Variants in HAUS7 observed in about 807,000 individuals in gnomAD.
HAUS7 encodes HAUS augmin-like complex subunit 7.
In HAUS7, 3 loss-of-function variants were observed where a neutral mutation model predicts 28.4. The ratio of observed to expected loss-of-function variants is 0.11; its 90% CI spans 0.05 to 0.27. The LOEUF (loss-of-function observed/expected upper bound fraction) is 0.27. Ranked by LOEUF, HAUS7 falls within the 10% of genes least tolerant of loss-of-function variation. HAUS7 has a pLI of 1.00. For missense variants in HAUS7, 284 were observed against 297.3 expected (o/e 0.96, Z 0.33); for synonymous variants, 165 against 132.1 (o/e 1.25, Z -1.71).
intron 1 of HAUS7, among the ~76,000 whole-genome samples, chrX:153,476,086 C>T (rs2089561445): frequency 8.9e-6 from 1 of 112,025 alleles, no homozygotes; most frequent in African/African-American, 3.3e-5. Context: ...AGGTGGCTCC[C>T]TGATTCTTTC....
chrX:153,451,618 G>A (rs1361056684), intron 9 of HAUS7, among the ~76,000 whole-genome samples: 1 of 112,208 alleles, frequency 8.9e-6, no homozygotes, highest in Admixed American at 9.4e-5. Flanking sequence ...CACTACTTGG[G>A]GGTGCAACAG....
At chrX:153,480,507 G>A in intron 1 of HAUS7, 1 of 689,163 alleles carries the variant, frequency 1.5e-6, no homozygotes, top group Non-Finnish European at 1.7e-6. Context: ...GAAGGGCGAT[G>A]GGCTTTCTAG....
At chrX:153,488,440 A>G (rs1323652652) in intron 1 of HAUS7, among the ~76,000 whole-genome samples, 1 of 112,499 alleles carries the variant, frequency 8.9e-6, no homozygotes, top group Non-Finnish European at 1.9e-5. Flanking sequence ...CCTTGCTCCC[A>G]TTCCATGGCC....
upstream of HAUS7, chrX:153,470,831 G>C (rs2089515482): frequency 2.4e-6 from 1 of 414,129 alleles, no homozygotes; most frequent in Non-Finnish European, 4.4e-6. Flanking sequence ...CGGACACCGG[G>C]AAGGAGGCGG....
intron 1 of HAUS7, among the ~76,000 whole-genome samples, chrX:153,478,432 A>G (rs1297860546): frequency 2.7e-5 from 3 of 112,421 alleles, no homozygotes; most frequent in African/African-American, 9.7e-5. Flanking sequence ...CCTGACCCAC[A>G]GGTGCCCCTC....
At chrX:153,487,503 C>G (rs1175809805) in intron 1 of HAUS7, among the ~76,000 whole-genome samples, 1 of 112,240 alleles carries the variant, frequency 8.9e-6, no homozygotes, top group Non-Finnish European at 1.9e-5. Flanking sequence ...GCCCCAGAAC[C>G]CTCATCCCAG....
At position 153,452,837 on chromosome X, in the gene HAUS7, A is replaced by G. The variant is rs1175429689; in HGVS notation, c.1045+1557T>C. On this transcript the variant is annotated intron_variant, in intron 9 of 9. Coordinates refer to ENST00000370211, the MANE Select transcript of HAUS7 (RefSeq NM_001385482.1). ...ATCTGTACTTAAAAATACAAAAATT[A>G]GTCAGGCGTGGTGGTGAGTGCCTGT... Among the ~76,000 whole-genome samples the G allele has an allele frequency of 1.3e-4, 14 of 111,535 alleles. No individual in the cohort carries two copies. In the Admixed American group the frequency reaches 1.3e-3, roughly 11 times the overall value.
upstream of HAUS7, among the ~76,000 whole-genome samples, chrX:153,475,454 C>T (rs782582825): frequency 9.0e-6 from 1 of 111,425 alleles, no homozygotes; most frequent in East Asian, 2.8e-4. Context: ...CTCACCAAAG[C>T]GTCTGCAAGA....
intron 1 of HAUS7, among the ~76,000 whole-genome samples, chrX:153,484,431 C>T (rs192979271): frequency 2.7e-5 from 3 of 112,048 alleles, no homozygotes; most frequent in Non-Finnish European, 3.8e-5. Context: ...AGGCCACTCA[C>T]GGCAACCAGA....
At chrX:153,480,858 C>A in intron 1 of HAUS7, 1 of 755,092 alleles carries the variant, frequency 1.3e-6, no homozygotes, top group Non-Finnish European at 1.6e-6. Flanking sequence ...GGCAGGGAAG[C>A]CCGAGGCCTT....
rs1211132024 is a variant in HAUS7 at position 153,456,489 on chromosome X, G to A, written c.605+4C>T. ...CTGCCACTGAGGCCTCCAGGAGCAC[G>A]TACCACTGCCAGTCATCACTCTGCT... On this transcript the variant is annotated splice_donor_region_variant and intron_variant, in intron 6 of 9. Coordinates refer to ENST00000370211, the MANE Select transcript of HAUS7 (RefSeq NM_001385482.1). 13 of 1,179,083 alleles carry A rather than the reference G, an allele frequency of 1.1e-5. No homozygotes were observed. Among genetic ancestry groups the A allele is most frequent in the Admixed American group, 9.7e-5 (4 of 41,325 alleles).
At chrX:153,484,267 T>C (rs1158687450) in intron 1 of HAUS7, among the ~76,000 whole-genome samples, 2 of 112,231 alleles carry the variant, frequency 1.8e-5, no homozygotes, top group African/African-American at 6.5e-5. Flanking sequence ...CAGCTCGACA[T>C]CCTCCCCTGC....
chrX:153,490,545 C>A (rs371382461), intron 1 of HAUS7, among the ~76,000 whole-genome samples: 13 of 112,764 alleles, frequency 1.2e-4, no homozygotes, highest in Non-Finnish European at 2.1e-4. Flanking sequence ...TGAGCATGAG[C>A]TTCATGCCGC....
intron 1 of HAUS7, chrX:153,485,852 C>T: frequency 1.1e-6 from 1 of 910,463 alleles, no homozygotes; most frequent in African/African-American, 2.1e-5. Context: ...GCGCCTGACG[C>T]TGCACCACGA....
At chrX:153,458,243 C>T (rs2089341517) in intron 4 of HAUS7, among the ~76,000 whole-genome samples, 1 of 113,206 alleles carries the variant, frequency 8.8e-6, no homozygotes, top group Admixed American at 9.3e-5. Flanking sequence ...AAGCTCAGGG[C>T]ACCCAGGACA....
Position 153,456,591 on chromosome X carries a change from G to A in HAUS7, c.507C>T (p.Phe169=). Residue 169 remains phenylalanine, a synonymous_variant, in exon 6 of 10, where the codon TTC becomes TTT. Coordinates refer to ENST00000370211, the MANE Select transcript of HAUS7 (RefSeq NM_001385482.1). ...GGAGCATCTGCAGGTGGGGGCTAGA[G>A]AAGAGCTCCCCCAGCAAGGCCTCGT... ...EKNEALLGEL[F]SSPHLQMLLN... is the part of the protein sequence containing the mutation. 4.2e-6 allele frequency: 5 copies of A among 1,179,160 alleles called. No individual in the cohort carries two copies. The highest frequency in any genetic ancestry group is 5.7e-6 in the Non-Finnish European group (5 of 877,044).
In HAUS7 at chrX:153,447,915, G is replaced by A; in HGVS notation, c.1046-6C>T. On this transcript the variant is annotated splice_polypyrimidine_tract_variant and splice_region_variant and intron_variant, in intron 9 of 9. Coordinates refer to ENST00000370211, the MANE Select transcript of HAUS7 (RefSeq NM_001385482.1). Reference sequence around the variant, plus strand: ...TAGTTCATTCATCTTGGTAGCTGCAGAGGAAAGAAAAGAAACCAAAAGGAT... The same window carrying A: ...TAGTTCATTCATCTTGGTAGCTGCAAAGGAAAGAAAAGAAACCAAAAGGAT... The A allele has an allele frequency of 8.4e-7, 1 of 1,195,323 alleles. No individual in the cohort carries two copies. The highest frequency in any genetic ancestry group is 1.1e-6 in the Non-Finnish European group (1 of 880,979).
intron 1 of HAUS7, among the ~76,000 whole-genome samples, chrX:153,480,246 TCCCTGGGCCCAACCACCGGTCCAAC>T (rs1381025539): frequency 9.2e-6 from 1 of 109,003 alleles, no homozygotes; most frequent in African/African-American, 3.4e-5. Context: ...CTGCTGAAGC[TCCCTGGGCCCAACCACCGGTCCAAC>T]CCCTGGGCCT....
At chrX:153,456,699 G>A (rs782301106) in intron 5 of HAUS7, 48 bp from the exon 6 acceptor site, 35 of 1,013,298 alleles carry the variant, frequency 3.5e-5, no homozygotes, top group Non-Finnish European at 4.3e-5. Context: ...CAGAGCACTC[G>A]CCCAGCAGGC....
Sources: allele counts gnomAD v4.1 joint callset (sites outside exome capture counted in the v4.1 genomes callset), GRCh38; gene constraint gnomAD v4.1.1; transcripts MANE v1.5; gene names NCBI Gene and HGNC (gene_info 2026-07-23, HGNC 2026-07-21).